The following PITPNB variants were observed in gnomAD, a reference collection of about 807,000 sequenced individuals.
The protein encoded by PITPNB is phosphatidylinositol transfer protein beta.
PITPNB carries 16 observed loss-of-function variants against 45.9 expected under a neutral mutation model. The observed-to-expected ratio is 0.35, with a 90% CI of 0.24 to 0.53. The LOEUF (loss-of-function observed/expected upper bound fraction) is 0.53, where lower values mean the gene tolerates loss of function less well. PITPNB is among the 20% of genes least tolerant of loss of function. PITPNB has a pLI of 0.93. For missense variants in PITPNB, 188 were observed against 330.5 expected, an observed-to-expected ratio of 0.57 and a Z score of 3.34; for synonymous variants, 112 against 108.9, an observed-to-expected ratio of 1.03 and a Z score of -0.18.
chr22:27,870,595 T>C (rs1013448310), intron 8 of PITPNB, among the ~76,000 whole-genome samples: 1 of 152,220 alleles, frequency 6.6e-6, no homozygotes, highest in Non-Finnish European at 1.5e-5. Flanking sequence ...AGATTTCTTC[T>C]TCCTTTCAGC....
At chr22:27,863,068 TC>T (rs1338209288) in intron 8 of PITPNB, among the ~76,000 whole-genome samples, 5 of 152,214 alleles carry the variant, frequency 3.3e-5, no homozygotes, top group African/African-American at 1.2e-4. Flanking sequence ...CTGAAGTACT[TC>T]CTAATCCAAT....
chr22:27,889,127 G>A (rs1446507994), intron 7 of PITPNB, among the ~76,000 whole-genome samples: 1 of 152,204 alleles, frequency 6.6e-6, no homozygotes, highest in East Asian at 1.9e-4. Context: ...GAGGGAACAG[G>A]AAGGAACTCA....
At chr22:27,918,291 G>T (rs1936146062) in intron 1 of PITPNB, among the ~76,000 whole-genome samples, 1 of 152,100 alleles carries the variant, frequency 6.6e-6, no homozygotes, top group Admixed American at 6.5e-5. Flanking sequence ...ATATTTCTAA[G>T]AATTTAAAAT....
At chr22:27,870,613 A>C (rs1222886253) in intron 8 of PITPNB, among the ~76,000 whole-genome samples, 1 of 152,212 alleles carries the variant, frequency 6.6e-6, no homozygotes, top group Non-Finnish European at 1.5e-5. Flanking sequence ...AGCCATAATT[A>C]TCATGTTTGT....
chr22:27,903,807 A>C (rs1231833505), intron 3 of PITPNB, among the ~76,000 whole-genome samples: 1 of 151,876 alleles, frequency 6.6e-6, no homozygotes, highest in Non-Finnish European at 1.5e-5. Flanking sequence ...ACTAAAAAGA[A>C]AGTGGGGGTA....
At chr22:27,898,487 G>A (rs1601416936) in intron 3 of PITPNB, among the ~76,000 whole-genome samples, 2 of 151,148 alleles carry the variant, frequency 1.3e-5, no homozygotes, top group South Asian at 4.2e-4. Flanking sequence ...CTACCCCAAT[G>A]TAAAACCTAA....
At chr22:27,896,121 G>A (rs1273657273) in intron 6 of PITPNB, among the ~76,000 whole-genome samples, 1 of 152,136 alleles carries the variant, frequency 6.6e-6, no homozygotes, top group Non-Finnish European at 1.5e-5. Flanking sequence ...TATCCCTCCT[G>A]CCTTTTGGCC....
intron 7 of PITPNB, among the ~76,000 whole-genome samples, chr22:27,876,850 T>C (rs1359093547): frequency 1.3e-5 from 2 of 152,232 alleles, no homozygotes; most frequent in African/African-American, 4.8e-5. Context: ...TTTGTTAGTA[T>C]TCTGTCTCCT....
chr22:27,874,290 C>A (rs960006735), intron 7 of PITPNB, among the ~76,000 whole-genome samples: 12 of 152,192 alleles, frequency 7.9e-5, no homozygotes, highest in Non-Finnish European at 2.9e-5. Context: ...GCACCCCCAA[C>A]CTCTTCCTAC....
intron 7 of PITPNB, among the ~76,000 whole-genome samples, chr22:27,889,400 G>T (rs917171914): frequency 3.9e-5 from 6 of 152,094 alleles, no homozygotes; most frequent in African/African-American, 1.4e-4. Context: ...GGGGAGACAT[G>T]GGCTAAGGTT....
intron 8 of PITPNB, among the ~76,000 whole-genome samples, chr22:27,864,196 T>A (rs917429825): frequency 6.6e-6 from 1 of 152,188 alleles, no homozygotes; most frequent in Admixed American, 6.5e-5. Context: ...ATACATGATA[T>A]CTAAAAGTTC....
chr22:27,885,455 A>G (rs565673318), intron 7 of PITPNB, among the ~76,000 whole-genome samples: 1 of 152,282 alleles, frequency 6.6e-6, no homozygotes, highest in East Asian at 1.9e-4. Flanking sequence ...CTACAATTTG[A>G]TCTAACCAAA....
At chr22:27,893,799 C>T (rs1177976378) in intron 7 of PITPNB, among the ~76,000 whole-genome samples, 1 of 151,920 alleles carries the variant, frequency 6.6e-6, no homozygotes, top group Admixed American at 6.6e-5. Context: ...CTATGTTGTC[C>T]AGGCTGGTCT....
chr22:27,898,332 A>G (rs1935491333), intron 3 of PITPNB, among the ~76,000 whole-genome samples: 2 of 151,978 alleles, frequency 1.3e-5, no homozygotes, highest in Non-Finnish European at 2.9e-5. Context: ...CTGAGATCAC[A>G]CCACTGCACT....
chr22:27,900,851 T>A (rs1201760254), intron 3 of PITPNB, among the ~76,000 whole-genome samples: 1 of 152,216 alleles, frequency 6.6e-6, no homozygotes, highest in African/African-American at 2.4e-5. Context: ...ATTTGGAAGC[T>A]TAGCCTCCGA....
At chr22:27,894,837 A>T (rs556647336) in intron 6 of PITPNB, among the ~76,000 whole-genome samples, 199 bp from the exon 7 acceptor site, 1 of 152,224 alleles carries the variant, frequency 6.6e-6, no homozygotes, top group Non-Finnish European at 1.5e-5. Context: ...CCAAATAATA[A>T]GGAAGGAGAG....
At chr22:27,867,134 A>G (rs1253246662) in intron 8 of PITPNB, among the ~76,000 whole-genome samples, 1 of 152,222 alleles carries the variant, frequency 6.6e-6, no homozygotes, top group Non-Finnish European at 1.5e-5. Context: ...TGAATCTAGC[A>G]AATACTTACA....
intron 3 of PITPNB, among the ~76,000 whole-genome samples, chr22:27,900,859 C>T (rs993656044): frequency 2.0e-5 from 3 of 151,976 alleles, no homozygotes; most frequent in African/African-American, 7.3e-5. Flanking sequence ...GCTTAGCCTC[C>T]GAAAAGAACA....
intron 8 of PITPNB, among the ~76,000 whole-genome samples, chr22:27,866,800 T>A (rs1334777129): frequency 6.6e-6 from 1 of 152,238 alleles, no homozygotes; most frequent in African/African-American, 2.4e-5. Context: ...TAATTTCAGC[T>A]GCTGATTCTG....
Sources: allele counts gnomAD v4.1 joint callset (sites outside exome capture counted in the v4.1 genomes callset), GRCh38; gene constraint gnomAD v4.1.1; transcripts MANE v1.5; gene names NCBI Gene and HGNC (gene_info 2026-07-23, HGNC 2026-07-21).